Variants in TESPA1 observed in about 807,000 individuals in gnomAD.
The protein encoded by TESPA1 is thymocyte expressed, positive selection associated 1.
Under a neutral mutation model 57.9 loss-of-function variants are expected in TESPA1, and 33 were observed. The ratio of observed to expected loss-of-function variants is 0.57; its 90% confidence interval spans 0.43 to 0.76. TESPA1 has a LOEUF of 0.76. Among genes scored for constraint, TESPA1 ranks in the 30% least tolerant of loss-of-function variants. The pLI is 0.00. For missense variants in TESPA1, 618 were observed against 632.9 expected, an observed-to-expected ratio of 0.98 and a Z score of 0.25; for synonymous variants, 227 against 228.9, an observed-to-expected ratio of 0.99 and a Z score of 0.07.
At chr12:54,958,147 G>A (rs1950845308) in intron 10 of TESPA1, among the ~76,000 whole-genome samples, 1 of 152,134 alleles carries the variant, frequency 6.6e-6, no homozygotes, top group South Asian at 2.1e-4. Context: ...TTGTGTTCTG[G>A]GCATTGCATT....
intron 1 of TESPA1, among the ~76,000 whole-genome samples, chr12:54,982,986 C>T (rs1483960607): frequency 6.6e-6 from 1 of 152,142 alleles, no homozygotes; most frequent in African/African-American, 2.4e-5. Context: ...ACTGGAATAT[C>T]CACTTTGGTC....
intron 1 of TESPA1, among the ~76,000 whole-genome samples, chr12:54,982,743 G>A (rs1425145441): frequency 6.6e-6 from 1 of 152,200 alleles, no homozygotes; most frequent in Admixed American, 6.5e-5. Flanking sequence ...CTCAACCATT[G>A]TGTTAGCTCT....
chr12:54,980,433 C>T (rs904723141), intron 1 of TESPA1, among the ~76,000 whole-genome samples: 26 of 152,310 alleles, frequency 1.7e-4, no homozygotes, highest in East Asian at 7.7e-4. Flanking sequence ...CCTGGAATTC[C>T]GCATTACTTT....
In TESPA1 at chr12:54,962,736, C is replaced by A. The variant is rs779921106; in HGVS notation, c.1162G>T (p.Val388Leu). Reference sequence around the variant, plus strand: ...GGCAGAGAATGTGTGCAACAGGGTACCTTGGGGTTCGAATCCAGAGTTTGG... The same window carrying A: ...GGCAGAGAATGTGTGCAACAGGGTAACTTGGGGTTCGAATCCAGAGTTTGG... ...PSQTLDSNPKVPCCTHSLPIE... is the reference protein window; with the variant it reads ...PSQTLDSNPKLPCCTHSLPIE... The change falls in exon 9 of 11, where the codon GTA becomes TTA. Residue 388 changes from valine (V) to leucine (L), a missense_variant. Physicochemically the swap from Val to Leu is conservative, Grantham distance 32 (BLOSUM62 1). This residue lies in a region of TESPA1 where 409 missense variants were observed against 420.1 expected (regional missense o/e 0.97). Coordinates refer to ENST00000449076, the MANE Select transcript of TESPA1 (RefSeq NM_001136030.3). The A allele has an allele frequency of 6.2e-6, 10 of 1,613,832 alleles. No homozygotes were observed. Among genetic ancestry groups the A allele is most frequent in the Non-Finnish European group, 8.5e-6 (10 of 1,179,874 alleles).
chr12:54,957,079 A>C (rs533946868), intron 10 of TESPA1, among the ~76,000 whole-genome samples: 1 of 152,304 alleles, frequency 6.6e-6, no homozygotes, highest in African/African-American at 2.4e-5. Flanking sequence ...CCCTTGTGCT[A>C]ATTACAGAAA....
chr12:54,957,073 T>C (rs1444175209), intron 10 of TESPA1, among the ~76,000 whole-genome samples: 2 of 152,296 alleles, frequency 1.3e-5, no homozygotes, highest in African/African-American at 4.8e-5. Flanking sequence ...GCAGTGCCCT[T>C]GTGCTAATTA....
chr12:54,969,046 T>TATATATATATAA, intron 3 of TESPA1, among the ~76,000 whole-genome samples: 1 of 124,472 alleles, frequency 8.0e-6, no homozygotes, highest in African/African-American at 3.1e-5. Context: ...TATATATATA[T>TATATATATATAA]GTGTGTGTGT....
intron 2 of TESPA1, chr12:54,974,049 T>TA: frequency 2.5e-6 from 1 of 397,086 alleles, no homozygotes; most frequent in Non-Finnish European, 3.6e-6. Flanking sequence ...GTGACAGCAT[T>TA]GTGGCCAGAG....
rs1031383200 is a variant in TESPA1 at position 54,950,287 on chromosome 12, G to A, written c.*105C>T. 1 of 456,908 alleles carries A rather than the reference G, an allele frequency of 2.2e-6. No individual in the cohort carries two copies. The highest frequency in any genetic ancestry group is 2.0e-5 in the African/African-American group (1 of 50,208). 28.3% of individuals were successfully genotyped at this position (456,908 alleles called of 1,614,324 possible). A position where few individuals can be genotyped will look rare whatever the true frequency, so the allele number is the denominator to read the frequency against. The stretch of plus-strand genomic sequence containing the variant: ...GGGTTTGGAGGACCAAGGAGTAGGG[G>A]CTGGATGTTGAGGGCAGTGCAGTTT... On this transcript the variant is annotated 3_prime_UTR_variant, in exon 11 of 11. Coordinates refer to ENST00000449076, the MANE Select transcript of TESPA1 (RefSeq NM_001136030.3).
At chr12:54,971,090 A>G (rs539749653) in intron 3 of TESPA1, among the ~76,000 whole-genome samples, 3 of 152,374 alleles carry the variant, frequency 2.0e-5, no homozygotes, top group Admixed American at 6.5e-5. Flanking sequence ...AAACATTGAC[A>G]CTAAATTGCC....
chr12:54,956,440 A>G (rs74092410), intron 10 of TESPA1, among the ~76,000 whole-genome samples: 7 of 152,236 alleles, frequency 4.6e-5, no homozygotes, highest in African/African-American at 7.2e-5. Context: ...TCTGCCGCTT[A>G]TAAGTGTGAT....
At chr12:54,976,344 G>A (rs1952134784) in intron 1 of TESPA1, among the ~76,000 whole-genome samples, 2 of 152,092 alleles carry the variant, frequency 1.3e-5, no homozygotes, top group African/African-American at 2.4e-5. Flanking sequence ...TAAGAGATTG[G>A]TTCCAAAACC....
intron 10 of TESPA1, 93 bp downstream of exon 10, chr12:54,961,075 A>C (rs1226496978): frequency 5.1e-6 from 7 of 1,359,662 alleles, no homozygotes; most frequent in Admixed American, 3.6e-5. Context: ...AGAATGTGGG[A>C]CCCTTTATTA....
chr12:54,977,951 G>A (rs1433342565), intron 1 of TESPA1, among the ~76,000 whole-genome samples: 5 of 152,132 alleles, frequency 3.3e-5, no homozygotes, highest in Non-Finnish European at 7.4e-5. Flanking sequence ...AAGAAGAAAT[G>A]GTAGTGTCTG....
At chr12:54,952,840 ATT>A (rs5798331) in intron 10 of TESPA1, among the ~76,000 whole-genome samples, 7 of 152,004 alleles carry the variant, frequency 4.6e-5, no homozygotes, top group African/African-American at 1.5e-4. Context: ...TGTTATTCCT[ATT>A]TTTACTTCAT....
rs941320710 is a variant in TESPA1 at position 54,950,216 on chromosome 12, G to T, written c.*176C>A. ...TGTGGATTCCAAATCGCTCAGTCTG[G>T]TCTTCCTCCCCATGTACCATGCTGC... On this transcript the variant is annotated 3_prime_UTR_variant, in exon 11 of 11. Coordinates refer to ENST00000449076, the MANE Select transcript of TESPA1 (RefSeq NM_001136030.3). The T allele has an allele frequency of 4.4e-6, 2 of 454,906 alleles. No homozygotes were observed. The highest frequency in any genetic ancestry group is 4.0e-5 in the African/African-American group (2 of 49,980). The allele number at this position is 454,906 out of a possible 1,614,324, so 28.2% of individuals were successfully genotyped here.
At chr12:54,969,426 G>T (rs1270557507) in intron 3 of TESPA1, among the ~76,000 whole-genome samples, 1 of 152,038 alleles carries the variant, frequency 6.6e-6, no homozygotes, top group Non-Finnish European at 1.5e-5. Flanking sequence ...TAGCTGCACA[G>T]TAGTGCCACT....
intron 4 of TESPA1, 77 bp from the exon 5 acceptor site, chr12:54,967,313 A>T (rs2136136195): frequency 3.3e-6 from 5 of 1,493,046 alleles, no homozygotes; most frequent in Non-Finnish European, 4.6e-6. Flanking sequence ...CCCTGCATAC[A>T]CGAACATCTT....
intron 2 of TESPA1, 89 bp downstream of exon 2, chr12:54,974,311 A>G: frequency 8.1e-7 from 1 of 1,233,952 alleles, no homozygotes; most frequent in Non-Finnish European, 1.1e-6. Flanking sequence ...TGGCTAAACA[A>G]GGAACCTGTT....
Sources: allele counts gnomAD v4.1 joint callset (sites outside exome capture counted in the v4.1 genomes callset), GRCh38; gene constraint gnomAD v4.1.1; regional missense constraint gnomAD v4.1.1; transcripts MANE v1.5; gene names NCBI Gene and HGNC (gene_info 2026-07-23, HGNC 2026-07-21).